The following ZNF568 variants were observed in gnomAD, a reference collection of about 807,000 sequenced individuals.
ZNF568 encodes the protein zinc finger protein 568, also known as p53 inhibitor of SCO2 activation.
ZNF568 carries 11 observed loss-of-function variants against 18.1 expected under a neutral mutation model. That is an observed-to-expected ratio of 0.61 (90% CI 0.38 to 1.00). The LOEUF is 1.00. ZNF568 is among the 50% of genes least tolerant of loss of function. The pLI is 0.01. For synonymous variants in ZNF568, 213 were observed against 246.6 expected (o/e 0.86, Z 1.28); for missense variants, 639 against 768.2 (o/e 0.83, Z 1.99).
At chr19:36,945,527 A>G (rs1352108993) in intron 6 of ZNF568, among the ~76,000 whole-genome samples, 1 of 152,160 alleles carries the variant, frequency 6.6e-6, no homozygotes, top group African/African-American at 2.4e-5. Context: ...CATATAATAC[A>G]TATACAAAAT....
chr19:36,980,874 A>G (rs960161221), downstream of ZNF568, among the ~76,000 whole-genome samples: 42 of 152,338 alleles, frequency 2.8e-4, no homozygotes, highest in African/African-American at 9.6e-4. Flanking sequence ...CACACGGCTC[A>G]AAGTCCCAAG....
At chr19:36,978,297 C>A (rs2074301765) in intron 7 of ZNF568, among the ~76,000 whole-genome samples, 1 of 152,222 alleles carries the variant, frequency 6.6e-6, no homozygotes, top group Admixed American at 6.5e-5. Context: ...TTAGTCCTGG[C>A]AGGTATAACC....
At chr19:36,955,103 C>A (rs2074097686), downstream of ZNF568, among the ~76,000 whole-genome samples, 1 of 151,986 alleles carries the variant, frequency 6.6e-6, no homozygotes, top group South Asian at 2.1e-4. Context: ...GGTCTGTGAG[C>A]CACCATGCCC....
chr19:36,922,936 AG>A (rs2073482843), intron 3 of ZNF568, 90 bp downstream of exon 3: 1 of 1,104,880 alleles, frequency 9.1e-7, no homozygotes, highest in Non-Finnish European at 1.3e-6. Context: ...CTACTGAGAA[AG>A]GTCACGTATG....
In ZNF568 at chr19:36,952,723, T is replaced by G. The variant is rs826305; in HGVS notation, c.*1635T>G. ...TATAAAATAAATCTTAAAAGCTAAT[T>G]ATACACAATGACAATATGAATGTTT... On this transcript the variant is annotated 3_prime_UTR_variant, in exon 7 of 7. Coordinates refer to ENST00000333987, the MANE Select transcript of ZNF568 (RefSeq NM_198539.4). 0.54 allele frequency: 350,869 copies of G among 654,144 alleles called. 97,127 individuals are homozygous for G. The highest frequency in any genetic ancestry group is 0.69 in the African/African-American group (34,811 of 50,424). 40.5% of individuals were successfully genotyped at this position (654,144 alleles called of 1,614,324 possible).
chr19:36,951,167 A>C lies in ZNF568; in HGVS notation c.*79A>C. Reference sequence around the variant, plus strand: ...TAAGCTCAAAAAAGCCAGGATCTTTATGGAAAAATTTTAATACTTTGTTAA... The same window carrying C: ...TAAGCTCAAAAAAGCCAGGATCTTTCTGGAAAAATTTTAATACTTTGTTAA... On this transcript the variant is annotated 3_prime_UTR_variant, in exon 7 of 7. Transcript: ENST00000333987. The C allele has an allele frequency of 7.2e-7, 1 of 1,393,996 alleles. No individual in the cohort carries two copies. The highest frequency in any genetic ancestry group is 1.5e-5 in the African/African-American group (1 of 68,780). 86.4% of individuals were successfully genotyped at this position (1,393,996 alleles called of 1,614,324 possible).
At chr19:36,992,668 C>A (rs2074436532) in intron 4 of ZNF568, among the ~76,000 whole-genome samples, 2 of 152,142 alleles carry the variant, frequency 1.3e-5, no homozygotes, top group Non-Finnish European at 1.5e-5. Context: ...CTTTTTAAAA[C>A]AGTTTTATTG....
chr19:36,959,331 T>C (rs976644557), intron 6 of ZNF568, among the ~76,000 whole-genome samples: 1 of 152,224 alleles, frequency 6.6e-6, no homozygotes, highest in Non-Finnish European at 1.5e-5. Context: ...TTTGCATACA[T>C]TGACCCATCT....
Position 36,950,862 on chromosome 19 carries a change from T to A in ZNF568, c.1709T>A (p.Ile570Asn). ...GAATGTGGTAAAGCCTTCTCTCGAA[T>A]CTCATCCCTCACTCTTCATGTGAGA... Reference protein sequence around the residue: ...CNECGKAFSRISSLTLHVRSH... With the variant: ...CNECGKAFSRNSSLTLHVRSH... Residue 570 changes from isoleucine (I) to asparagine (N), a missense_variant, in exon 7 of 7, where the codon ATC (isoleucine) becomes AAC (asparagine). Transcript: ENST00000333987. 3.1e-6 allele frequency: 5 copies of A among 1,613,402 alleles called. No individual in the cohort carries two copies. Among genetic ancestry groups the A allele is most frequent in the Non-Finnish European group, 4.2e-6 (5 of 1,179,770 alleles).
chr19:36,984,539 T>A (rs566435529), downstream of ZNF568, among the ~76,000 whole-genome samples: 1 of 152,304 alleles, frequency 6.6e-6, no homozygotes. Flanking sequence ...AAGAAATTTT[T>A]ATTTTATGTA....
chr19:36,938,233 A>G (rs1480290140), intron 6 of ZNF568, among the ~76,000 whole-genome samples: 1 of 152,136 alleles, frequency 6.6e-6, no homozygotes, highest in Non-Finnish European at 1.5e-5. Context: ...AAGTTTTCCC[A>G]TTGTTGCTTT....
chr19:36,918,351 A>T (rs2073390040), intron 2 of ZNF568, among the ~76,000 whole-genome samples: 1 of 152,232 alleles, frequency 6.6e-6, no homozygotes. Context: ...TGGATACCAG[A>T]ATCCACAGAT....
At chr19:36,989,795 C>T (rs1430808766) in intron 2 of ZNF568, among the ~76,000 whole-genome samples, 2 of 152,112 alleles carry the variant, frequency 1.3e-5, no homozygotes, top group Non-Finnish European at 2.9e-5. Flanking sequence ...ATCCTCCCAC[C>T]TTGGCCTCCC....
intron 6 of ZNF568, among the ~76,000 whole-genome samples, chr19:36,937,662 TTTC>T (rs1236099893): frequency 6.6e-6 from 1 of 152,222 alleles, no homozygotes; most frequent in African/African-American, 2.4e-5. Context: ...TCTTTCCTTC[TTTC>T]TTTTTTAAAA....
chr19:36,985,382 T>A (rs537665159), intron 2 of ZNF568, among the ~76,000 whole-genome samples: 1 of 152,346 alleles, frequency 6.6e-6, no homozygotes, highest in Non-Finnish European at 1.5e-5. Flanking sequence ...CAGAGGTGAT[T>A]CCTCCTGCCC....
At chr19:36,984,722 G>A (rs1367770140), downstream of ZNF568, among the ~76,000 whole-genome samples, 6 of 150,886 alleles carry the variant, frequency 4.0e-5, no homozygotes, top group East Asian at 1.2e-3. Context: ...GCCCTCATTT[G>A]TGAAAGGTGT....
chr19:36,966,289 A>C (rs955850425), intron 6 of ZNF568, among the ~76,000 whole-genome samples: 2 of 151,990 alleles, frequency 1.3e-5, no homozygotes, highest in Non-Finnish European at 2.9e-5. Flanking sequence ...CTCAAAAAGA[A>C]AAAAAGAAAT....
chr19:36,997,404 C>A, downstream of ZNF568: 1 of 1,588,660 alleles, frequency 6.3e-7, no homozygotes. Flanking sequence ...GTGAAAAGGC[C>A]TTTACTTGTA....
At chr19:36,970,254 T>C (rs2074226375) in intron 6 of ZNF568, among the ~76,000 whole-genome samples, 1 of 127,496 alleles carries the variant, frequency 7.8e-6, no homozygotes, top group Non-Finnish European at 1.7e-5. Context: ...TTATACATTA[T>C]TGAAATCAGC....
Sources: gnomAD v4.1 joint callset for allele counts (sites outside exome capture counted in the v4.1 genomes callset) on GRCh38, gnomAD v4.1.1 for gene constraint, MANE v1.5 for transcripts, NCBI Gene and HGNC (gene_info 2026-07-23, HGNC 2026-07-21) for gene names.